SLC44A3: variants seen among roughly 807,000 people sequenced by gnomAD.
SLC44A3 encodes solute carrier family 44 member 3.
A neutral mutation model predicts 75.4 loss-of-function variants in SLC44A3; 74 were observed. The observed-to-expected ratio is 0.98, with a 90% confidence interval of 0.81 to 1.19. The LOEUF (loss-of-function observed/expected upper bound fraction) is 1.19. SLC44A3 is among the 50% of genes most tolerant of loss of function. The probability of loss-of-function intolerance (pLI) is 0.00; values close to 1 mark genes in which losing one functional copy is unlikely to be tolerated. For synonymous variants in SLC44A3, 310 were observed against 296.9 expected (o/e 1.04, Z -0.45); for missense variants, 700 against 778.6 (o/e 0.90, Z 1.20).
chr1:94,841,401 G>T (rs1254010235), intron 7 of SLC44A3, among the ~76,000 whole-genome samples: 1 of 152,142 alleles, frequency 6.6e-6, no homozygotes, highest in Non-Finnish European at 1.5e-5. Flanking sequence ...CGGAGGACAG[G>T]CACAATGACT....
At position 94,889,507 on chromosome 1, in the gene SLC44A3, G is replaced by A. The variant is rs576458652; in HGVS notation, c.1483-1623G>A. 8.7e-4 allele frequency among the ~76,000 whole-genome samples: 128 copies of A among 146,536 alleles called. 1 individual carries two copies. Among genetic ancestry groups the A allele is most frequent in the African/African-American group, 3.3e-3 (127 of 38,616 alleles). On this transcript the variant is annotated intron_variant, in intron 12 of 14. Transcript: ENST00000271227. Reference sequence around the variant, plus strand: ...TTTGGAAAAAATAACCTGAGAAATCGTCTCATGTGAACATAATCACACACA... The same window carrying A: ...TTTGGAAAAAATAACCTGAGAAATCATCTCATGTGAACATAATCACACACA...
At chr1:94,855,286 T>C (rs1229619933) in intron 9 of SLC44A3, 1 of 152,246 alleles carries the variant, frequency 6.6e-6, no homozygotes, top group African/African-American at 2.4e-5. Context: ...TCTGTGGAAA[T>C]ATTCTCCGCC....
At chr1:94,882,535 G>T (rs1201970137) in intron 12 of SLC44A3, among the ~76,000 whole-genome samples, 1 of 152,126 alleles carries the variant, frequency 6.6e-6, no homozygotes, top group Non-Finnish European at 1.5e-5. Context: ...TTATGCACAG[G>T]TCAAATGGGA....
At position 94,895,004 on chromosome 1, in the gene SLC44A3, A is replaced by G. The variant is rs550139501; in HGVS notation, c.*82A>G. 1.8e-6 allele frequency: 2 copies of G among 1,096,732 alleles called. No homozygotes were observed. The highest frequency in any genetic ancestry group is 2.7e-5 in the Admixed American group (1 of 36,600). 67.9% of individuals were successfully genotyped at this position (1,096,732 alleles called of 1,614,324 possible). ...AATAGAAGATGAGACCACTAGAGAAAAGTTAGTGAATTTTTTTTTAAAAGA... is the reference window on the plus strand; with the variant it reads ...AATAGAAGATGAGACCACTAGAGAAGAGTTAGTGAATTTTTTTTTAAAAGA... On this transcript the variant is annotated 3_prime_UTR_variant, in exon 15 of 15. Coordinates refer to ENST00000271227, the MANE Select transcript of SLC44A3 (RefSeq NM_001114106.3).
At chr1:94,875,945 A>T (rs886097231) in intron 12 of SLC44A3, among the ~76,000 whole-genome samples, 2 of 152,226 alleles carry the variant, frequency 1.3e-5, no homozygotes, top group Non-Finnish European at 2.9e-5. Context: ...CCACCTTTGA[A>T]TCAGCACATC....
At position 94,879,032 on chromosome 1, in the gene SLC44A3, C is replaced by T. The variant is rs538542596; in HGVS notation, c.1482+11615C>T. ...TTTGGCAGTGATTGCTTGGATATGA[C>T]ACCAACAGCACAGGCAACACAATAA... On this transcript the variant is annotated intron_variant, in intron 12 of 14. Coordinates refer to ENST00000271227, the MANE Select transcript of SLC44A3 (RefSeq NM_001114106.3). Among the ~76,000 whole-genome samples, 241 of 152,224 alleles carry T rather than the reference C, an allele frequency of 1.6e-3. 1 individual carries two copies. The highest frequency in any genetic ancestry group is 5.4e-3 in the African/African-American group (226 of 41,534).
chr1:94,827,332 C>A, intron 3 of SLC44A3, 175 bp from the exon 4 acceptor site: 1 of 736,904 alleles, frequency 1.4e-6, no homozygotes, highest in Non-Finnish European at 2.2e-6. Context: ...AGCTGCACAG[C>A]TTCATGGATG....
chr1:94,892,053 A>T (rs1670277648), intron 13 of SLC44A3, among the ~76,000 whole-genome samples: 1 of 152,250 alleles, frequency 6.6e-6, no homozygotes, highest in Non-Finnish European at 1.5e-5. Flanking sequence ...CTAGGCACAG[A>T]TAAAATTACA....
At chr1:94,890,394 A>G (rs1670078682) in intron 12 of SLC44A3, among the ~76,000 whole-genome samples, 1 of 152,142 alleles carries the variant, frequency 6.6e-6, no homozygotes, top group South Asian at 2.1e-4. Flanking sequence ...TGTTATCTGT[A>G]GGACTCCTCT....
chr1:94,882,737 G>C (rs1557885044), intron 12 of SLC44A3, among the ~76,000 whole-genome samples: 1 of 151,792 alleles, frequency 6.6e-6, no homozygotes, highest in African/African-American at 2.4e-5. Flanking sequence ...TGCCTAATGT[G>C]GCCTTTTCTG....
In SLC44A3 at chr1:94,821,050, T is replaced by C. The variant is rs1483350491; in HGVS notation, c.129T>C (p.Thr43=). 1 of 1,550,976 alleles carries C rather than the reference T, an allele frequency of 6.4e-7. No homozygotes were observed. Among genetic ancestry groups the C allele is most frequent in the Non-Finnish European group, 8.7e-7 (1 of 1,146,474 alleles). The change falls in exon 2 of 15, where the codon ACT becomes ACC. Residue 43 remains threonine (T), a synonymous_variant. Coordinates refer to ENST00000271227, the MANE Select transcript of SLC44A3 (RefSeq NM_001114106.3). ...AWLFLFFLFW[T]GLVFIMGYSV... is the part of the protein sequence containing the mutation. ...TATTCCTGTTCTTTCTCTTTTGGACTGGTTTGGTAAGTGTGGGTGCTTGGT... is the reference window on the plus strand; with the variant it reads ...TATTCCTGTTCTTTCTCTTTTGGACCGGTTTGGTAAGTGTGGGTGCTTGGT...
intron 9 of SLC44A3, among the ~76,000 whole-genome samples, 180 bp downstream of exon 9, chr1:94,845,644 C>T (rs698962): frequency 0.22 from 33,883 of 152,068 alleles, 3,989 homozygotes; most frequent in African/African-American, 0.29. Flanking sequence ...TTTACCTCTT[C>T]TATATTGGTT....
At chr1:94,860,984 G>C (rs1469321814) in intron 10 of SLC44A3, among the ~76,000 whole-genome samples, 3 of 152,198 alleles carry the variant, frequency 2.0e-5, no homozygotes, top group Non-Finnish European at 4.4e-5. Flanking sequence ...GGAATACCAG[G>C]TGTGTTCGAA....
intron 5 of SLC44A3, among the ~76,000 whole-genome samples, chr1:94,830,193 A>T (rs1571177906): frequency 6.6e-6 from 1 of 152,194 alleles, no homozygotes; most frequent in Non-Finnish European, 1.5e-5. Flanking sequence ...TGCTGAGGAG[A>T]ATACCCATTT....
At chr1:94,864,665 A>G (rs977764486) in intron 10 of SLC44A3, 78 bp from the exon 11 acceptor site, 4 of 1,481,170 alleles carry the variant, frequency 2.7e-6, no homozygotes, top group Non-Finnish European at 3.6e-6. Context: ...TGTTAGTACC[A>G]CAGATGATTG....
At chr1:94,861,849 C>G (rs552983985) in intron 10 of SLC44A3, among the ~76,000 whole-genome samples, 1 of 152,226 alleles carries the variant, frequency 6.6e-6, no homozygotes, top group East Asian at 1.9e-4. Context: ...CAACTGAGAG[C>G]CATAAAGGTG....
At chr1:94,888,962 G>A (rs949604756) in intron 12 of SLC44A3, among the ~76,000 whole-genome samples, 6 of 151,858 alleles carry the variant, frequency 4.0e-5, no homozygotes, top group Non-Finnish European at 7.4e-5. Flanking sequence ...GTTTCACCAT[G>A]TTGGTCAGGC....
intron 12 of SLC44A3, among the ~76,000 whole-genome samples, chr1:94,868,868 C>CA (rs1267909571): frequency 2.0e-5 from 3 of 152,260 alleles, no homozygotes; most frequent in African/African-American, 7.2e-5. Flanking sequence ...ATCCCTCTTT[C>CA]ACTCATGGTT....
At chr1:94,828,077 T>C (rs1021637741) in intron 4 of SLC44A3, among the ~76,000 whole-genome samples, 2 of 152,208 alleles carry the variant, frequency 1.3e-5, no homozygotes, top group African/African-American at 4.8e-5. Flanking sequence ...ATACTTCCAC[T>C]GAGCAGTGGG....
Sources: allele counts gnomAD v4.1 joint callset (sites outside exome capture counted in the v4.1 genomes callset), GRCh38; gene constraint gnomAD v4.1.1; transcripts MANE v1.5; gene names NCBI Gene and HGNC (gene_info 2026-07-23, HGNC 2026-07-21).